CNGB3: variants seen among roughly 807,000 people sequenced by gnomAD.
CNGB3 encodes the protein cyclic nucleotide gated channel subunit beta 3.
In CNGB3, 86 loss-of-function variants were observed where a neutral mutation model predicts 92.8. The observed-to-expected ratio is 0.93, with a 90% CI of 0.78 to 1.11. CNGB3 has a LOEUF of 1.11. Among genes scored for constraint, CNGB3 ranks in the 50% least tolerant of loss-of-function variants. CNGB3 has a pLI of 0.00. For synonymous variants in CNGB3, 333 were observed against 332.7 expected, an observed-to-expected ratio of 1.00 and a Z score of -0.01; for missense variants, 1,026 against 956.8, an observed-to-expected ratio of 1.07 and a Z score of -0.95.
chr8:86,631,861 T>A (rs930289764), intron 11 of CNGB3, among the ~76,000 whole-genome samples: 1 of 152,216 alleles, frequency 6.6e-6, no homozygotes, highest in African/African-American at 2.4e-5. Context: ...TATGTTAATA[T>A]CAGGGACTTT....
At chr8:86,625,467 A>G (rs1251027070) in intron 13 of CNGB3, among the ~76,000 whole-genome samples, 1 of 152,180 alleles carries the variant, frequency 6.6e-6, no homozygotes, top group Non-Finnish European at 1.5e-5. Context: ...TACTTAAAAC[A>G]CTCAAAAAGT....
chr8:86,664,588 T>G (rs1020083788), intron 6 of CNGB3, among the ~76,000 whole-genome samples: 1 of 152,178 alleles, frequency 6.6e-6, no homozygotes, highest in Non-Finnish European at 1.5e-5. Context: ...TTTTTCTGTT[T>G]CTTAGATTGA....
intron 8 of CNGB3, among the ~76,000 whole-genome samples, chr8:86,645,962 T>C (rs913009676): frequency 6.6e-6 from 1 of 151,178 alleles, no homozygotes; most frequent in Non-Finnish European, 1.5e-5. Flanking sequence ...GAATGGACTA[T>C]GGGGCTTTGA....
chr8:86,725,770 G>T (rs1048952254), intron 3 of CNGB3, among the ~76,000 whole-genome samples: 2 of 152,112 alleles, frequency 1.3e-5, no homozygotes, highest in Non-Finnish European at 2.9e-5. Context: ...GGACGAATAG[G>T]TACTTTTAAC....
At chr8:86,714,308 C>T (rs960760226) in intron 3 of CNGB3, among the ~76,000 whole-genome samples, 1 of 151,936 alleles carries the variant, frequency 6.6e-6, no homozygotes, top group South Asian at 2.1e-4. Context: ...GCTTCTTTTT[C>T]TTTTGAGATG....
At chr8:86,657,988 C>T (rs1823548116) in intron 6 of CNGB3, 5 of 546,502 alleles carry the variant, frequency 9.1e-6, no homozygotes, top group African/African-American at 3.8e-5. Flanking sequence ...CTGGATGCAG[C>T]GACGTTCCAG....
chr8:86,664,771 T>G (rs1823709987), intron 6 of CNGB3, among the ~76,000 whole-genome samples: 1 of 152,154 alleles, frequency 6.6e-6, no homozygotes, highest in Non-Finnish European at 1.5e-5. Flanking sequence ...AGATGCCATA[T>G]TCATTAAAAA....
rs1472499237 is a variant in CNGB3, at chr8:86,743,536, G to T, written c.92C>A (p.Ser31Tyr). 6.2e-7 allele frequency: 1 copy of T among 1,613,990 alleles called. No individual in the cohort carries two copies. Among genetic ancestry groups the T allele is most frequent in the Admixed American group, 1.7e-5 (1 of 60,018 alleles). The change falls in exon 1 of 18, where the codon TCT (serine) becomes TAT (tyrosine). Residue 31 changes from serine (S) to tyrosine (Y), a missense_variant. Transcript: ENST00000320005. ...TTGCTGAGACTGATTACTTGGGTGA[G>T]AGCCTTCTTCATTCCGACGAGAACT... ...EQSSRRNEEGSHPSNQSQQTT... is the reference protein window; with the variant it reads ...EQSSRRNEEGYHPSNQSQQTT...
chr8:86,713,032 G>A (rs1824780571), intron 3 of CNGB3, among the ~76,000 whole-genome samples: 1 of 152,062 alleles, frequency 6.6e-6, no homozygotes, highest in Non-Finnish European at 1.5e-5. Flanking sequence ...GTACCTGATA[G>A]AATATGTATT....
chr8:86,632,198 CAAAAAAA>C (rs71275869), intron 11 of CNGB3, among the ~76,000 whole-genome samples: 1 of 70,572 alleles, frequency 1.4e-5, no homozygotes, highest in Admixed American at 1.4e-4. Flanking sequence ...GACCCTGTCT[CAAAAAAA>C]AAAAAAAAAA....
chr8:86,739,305 G>A (rs370499231), intron 2 of CNGB3, among the ~76,000 whole-genome samples: 3 of 152,244 alleles, frequency 2.0e-5, no homozygotes, highest in East Asian at 3.9e-4. Flanking sequence ...GCTTATCAAT[G>A]TCTGAAATTG....
At chr8:86,686,086 A>C (rs1404775975) in intron 3 of CNGB3, among the ~76,000 whole-genome samples, 1 of 152,130 alleles carries the variant, frequency 6.6e-6, no homozygotes, top group Non-Finnish European at 1.5e-5. Flanking sequence ...ATATGGTACT[A>C]TAACATAAAT....
chr8:86,625,454 T>G (rs567424623), intron 13 of CNGB3, among the ~76,000 whole-genome samples: 1 of 152,332 alleles, frequency 6.6e-6, no homozygotes, highest in Admixed American at 6.5e-5. Context: ...AAAAGAGTAG[T>G]AATACTTAAA....
At chr8:86,634,230 C>CT (rs1193529705) in intron 10 of CNGB3, among the ~76,000 whole-genome samples, 1 of 152,036 alleles carries the variant, frequency 6.6e-6, no homozygotes, top group Admixed American at 6.6e-5. Context: ...AACCATTCTG[C>CT]TTTTCACTTT....
At chr8:86,626,266 C>T (rs1822846404) in intron 12 of CNGB3, among the ~76,000 whole-genome samples, 186 bp from the exon 13 acceptor site, 1 of 152,060 alleles carries the variant, frequency 6.6e-6, no homozygotes, top group African/African-American at 2.4e-5. Flanking sequence ...TACAATAACA[C>T]TATTATGCTT....
rs1256680353 is a variant in CNGB3 at position 86,628,979 on chromosome 8, G to C, written c.1420C>G (p.Leu474Val). ...AYMNNYSIPK[L>V]VQKRVRTWYE... ...CAAGTCCGAACTCGCTTTTGCACAA[G>C]TTTAGGAATGGAGTAATTGTTCATG... Residue 474 changes from leucine (L) to valine (V), a missense_variant, in exon 12 of 18, where the codon CTT (leucine) becomes GTT (valine). By Grantham distance (32) the Leu-to-Val change is conservative. Coordinates refer to ENST00000320005, the MANE Select transcript of CNGB3 (RefSeq NM_019098.5). The C allele has an allele frequency of 3.1e-6, 5 of 1,613,982 alleles. No individual in the cohort carries two copies. Among genetic ancestry groups the C allele is most frequent in the Non-Finnish European group, 4.2e-6 (5 of 1,179,930 alleles).
At position 86,611,582 on chromosome 8, in the gene CNGB3, A is replaced by C. The variant is rs757475831; in HGVS notation, c.1662+6T>G. Reference sequence around the variant, plus strand: ...GTTGTGCATTTGAAAAATAGCATGCACTCACCTTTTTGCAGACAAAGTCAC... The same window carrying C: ...GTTGTGCATTTGAAAAATAGCATGCCCTCACCTTTTTGCAGACAAAGTCAC... On this transcript the variant is annotated splice_donor_region_variant and intron_variant, in intron 14 of 17. Transcript: ENST00000320005. 1.2e-6 allele frequency: 2 copies of C among 1,607,784 alleles called. No homozygotes were observed. Among genetic ancestry groups the C allele is most frequent in the Admixed American group, 3.3e-5 (2 of 59,974 alleles).
chr8:86,666,851 A>G, intron 6 of CNGB3, 74 bp downstream of exon 6: 1 of 1,177,940 alleles, frequency 8.5e-7, no homozygotes, highest in South Asian at 1.2e-5. Context: ...TAAATAAAAC[A>G]ATGCTGTTAC....
intron 3 of CNGB3, among the ~76,000 whole-genome samples, chr8:86,724,905 G>A (rs1438536333): frequency 6.6e-6 from 1 of 152,062 alleles, no homozygotes; most frequent in African/African-American, 2.4e-5. Context: ...AAAGTTGTGT[G>A]TTGGGAGAGG....
Sources: allele counts gnomAD v4.1 joint callset (sites outside exome capture counted in the v4.1 genomes callset), GRCh38; gene constraint gnomAD v4.1.1; transcripts MANE v1.5; gene names NCBI Gene and HGNC (gene_info 2026-07-23, HGNC 2026-07-21).